RFX7: variants seen among roughly 807,000 people sequenced by gnomAD.
RFX7 encodes regulatory factor X7, also known as DNA-binding protein RFX7.
Under a neutral mutation model 111.8 loss-of-function variants are expected in RFX7, and 26 were observed. The observed-to-expected ratio is 0.23, with a 90% CI of 0.17 to 0.32. The LOEUF (loss-of-function observed/expected upper bound fraction) is 0.32, where lower values mean the gene tolerates loss of function less well. RFX7 is among the 10% of genes least tolerant of loss of function. The pLI is 1.00. For missense variants in RFX7, 1,573 were observed against 1,772.9 expected (o/e 0.89, Z 2.02); for synonymous variants, 624 against 624.4 (o/e 1.00, Z 0.01).
chr15:56,113,951 G>C (rs1394066426), intron 5 of RFX7, among the ~76,000 whole-genome samples: 1 of 152,138 alleles, frequency 6.6e-6, no homozygotes, highest in Non-Finnish European at 1.5e-5. Flanking sequence ...CAATCTGAAA[G>C]ACAAATGAAG....
intron 3 of RFX7, among the ~76,000 whole-genome samples, chr15:56,148,426 G>A (rs1225897531): frequency 2.6e-5 from 4 of 152,218 alleles, no homozygotes; most frequent in Non-Finnish European, 5.9e-5. Flanking sequence ...AGAAAAGCCT[G>A]TAGCAAACAA....
At position 56,094,986 on chromosome 15, in the gene RFX7, A is replaced by G. The variant is rs1322651284; in HGVS notation, c.2742T>C (p.Leu914=). ...CTCCTGGAGTTACTGACTGACTCTG[A>G]AGGGTCATTCCCAAACAGTTGCCGT... is the stretch of plus-strand genomic sequence containing the variant. The part of the protein sequence containing the change: ...HSYGNCLGMT[L]QSQSVTPGAP... Residue 914 remains leucine, a synonymous_variant, in exon 10 of 10, where the codon CTT becomes CTC. Transcript: ENST00000559447. 1 of 1,611,936 alleles carries G rather than the reference A, an allele frequency of 6.2e-7. No homozygotes were observed.
chr15:56,204,326 G>A (rs1176411207), intron 2 of RFX7, among the ~76,000 whole-genome samples: 2 of 151,870 alleles, frequency 1.3e-5, no homozygotes, highest in East Asian at 1.9e-4. Flanking sequence ...GCCTGATCAC[G>A]AACCTTAATA....
intron 2 of RFX7, among the ~76,000 whole-genome samples, chr15:56,184,023 GTT>G (rs200495055): frequency 2.2e-5 from 3 of 139,172 alleles, no homozygotes; most frequent in Non-Finnish European, 4.7e-5. Flanking sequence ...GCATGTAGTT[GTT>G]TTTTTTTTTT....
chr15:56,243,464 G>C lies in RFX7; in HGVS notation c.-22C>G. ...CTTTACCCCAGGGCTCGAGTGAGTCGCTTTCGCCTGCCGCCTGGGGAACAT... is the reference window on the plus strand; with the variant it reads ...CTTTACCCCAGGGCTCGAGTGAGTCCCTTTCGCCTGCCGCCTGGGGAACAT... On this transcript the variant is annotated 5_prime_UTR_variant, in exon 1 of 10. Transcript: ENST00000559447. 1.0e-6 allele frequency: 1 copy of C among 984,820 alleles called. No homozygotes were observed. The allele number at this position is 984,820 out of a possible 1,614,324, so 61.0% of individuals were successfully genotyped here. A position where few individuals can be genotyped will look rare whatever the true frequency, so the allele number is the denominator to read the frequency against.
chr15:56,181,991 T>C (rs1193759475), intron 2 of RFX7, among the ~76,000 whole-genome samples: 2 of 151,984 alleles, frequency 1.3e-5, no homozygotes, highest in African/African-American at 4.8e-5. Context: ...GGGATCAAGG[T>C]TGCATGGTCC....
intron 2 of RFX7, among the ~76,000 whole-genome samples, chr15:56,208,962 T>C (rs73411506): frequency 0.036 from 5,536 of 152,036 alleles, 363 homozygotes; most frequent in African/African-American, 0.12. Flanking sequence ...TCCAGAAGGA[T>C]AGGAAAAAGA....
chr15:56,204,827 C>T (rs2043234406), intron 2 of RFX7, among the ~76,000 whole-genome samples: 1 of 152,104 alleles, frequency 6.6e-6, no homozygotes, highest in South Asian at 2.1e-4. Flanking sequence ...GGGTCATGCA[C>T]CTTACTCTAA....
intron 3 of RFX7, among the ~76,000 whole-genome samples, chr15:56,163,535 A>G (rs2042749255): frequency 6.6e-6 from 1 of 152,216 alleles, no homozygotes; most frequent in Non-Finnish European, 1.5e-5. Context: ...TTTTAGTAAC[A>G]GGAAGACATA....
upstream of RFX7, chr15:56,244,223 T>G (rs538420085): frequency 5.9e-5 from 9 of 152,346 alleles, no homozygotes; most frequent in African/African-American, 1.9e-4. Context: ...CCCCTTCCCC[T>G]GCACATGCAT....
chr15:56,170,393 A>C (rs1217850014), intron 3 of RFX7, among the ~76,000 whole-genome samples: 1 of 152,182 alleles, frequency 6.6e-6, no homozygotes, highest in Non-Finnish European at 1.5e-5. Context: ...AGAGTTTCTT[A>C]ACCTCAGCAC....
chr15:56,222,813 AT>A (rs1567051872), intron 2 of RFX7, among the ~76,000 whole-genome samples: 1 of 151,636 alleles, frequency 6.6e-6, no homozygotes, highest in Non-Finnish European at 1.5e-5. Flanking sequence ...GTCTATTTCT[AT>A]TTTTTTCCCT....
At chr15:56,166,020 A>G (rs1314734319) in intron 3 of RFX7, among the ~76,000 whole-genome samples, 1 of 152,044 alleles carries the variant, frequency 6.6e-6, no homozygotes, top group Admixed American at 6.6e-5. Flanking sequence ...TTCCCACCTC[A>G]GCCTCCCAAG....
intron 2 of RFX7, among the ~76,000 whole-genome samples, chr15:56,193,701 T>C (rs1220397071): frequency 1.3e-5 from 2 of 152,160 alleles, no homozygotes; most frequent in African/African-American, 2.4e-5. Context: ...CAGAATGTTA[T>C]TGATATAAAG....
At chr15:56,243,910 C>G (rs2043765719), upstream of RFX7, 2 of 149,272 alleles carry the variant, frequency 1.3e-5, no homozygotes, top group Admixed American at 1.3e-4. Context: ...CCGCACAACA[C>G]CTACCGCTCC....
chr15:56,116,267 C>T (rs1299659828), intron 5 of RFX7, among the ~76,000 whole-genome samples: 1 of 152,106 alleles, frequency 6.6e-6, no homozygotes, highest in East Asian at 1.9e-4. Context: ...GATGAGAAAA[C>T]TAAGGAAGAG....
At position 56,096,246 on chromosome 15, in the gene RFX7, T is replaced by C; in HGVS notation, c.1482A>G (p.Ser494=). The change falls in exon 10 of 10, where the codon TCA becomes TCG. Residue 494 remains serine, a synonymous_variant. Coordinates refer to ENST00000559447, the MANE Select transcript of RFX7 (RefSeq NM_022841.7). ...NSNTPLKHSA[S]VSSATGTTEE... is the part of the protein sequence containing the mutation. Reference sequence around the variant, plus strand: ...CTGTTGTTCCTGTAGCACTGCTGACTGAGGCAGAATGTTTAAGAGGGGTGT... The same window carrying C: ...CTGTTGTTCCTGTAGCACTGCTGACCGAGGCAGAATGTTTAAGAGGGGTGT... 6 of 1,614,000 alleles carry C rather than the reference T, an allele frequency of 3.7e-6. No homozygotes were observed. The highest frequency in any genetic ancestry group is 5.1e-6 in the Non-Finnish European group (6 of 1,179,892).
chr15:56,141,348 AAG>A, intron 5 of RFX7, among the ~76,000 whole-genome samples: 1 of 152,088 alleles, frequency 6.6e-6, no homozygotes, highest in Non-Finnish European at 1.5e-5. Context: ...CCTAGGTGAC[AAG>A]AGTTAAACCC....
At chr15:56,152,900 T>G (rs374281815) in intron 3 of RFX7, among the ~76,000 whole-genome samples, 1 of 151,584 alleles carries the variant, frequency 6.6e-6, no homozygotes, top group Admixed American at 6.6e-5. Flanking sequence ...CCCACAGAAA[T>G]AGAAACTACC....
Sources: allele counts gnomAD v4.1 joint callset (sites outside exome capture counted in the v4.1 genomes callset), GRCh38; gene constraint gnomAD v4.1.1; transcripts MANE v1.5; gene names NCBI Gene and HGNC (gene_info 2026-07-23, HGNC 2026-07-21).